CSMD3: variants seen among roughly 807,000 people sequenced by gnomAD.
The protein encoded by CSMD3 is CUB and Sushi multiple domains 3.
In CSMD3, 177 loss-of-function variants were observed where a neutral mutation model predicts 435.2. That is an observed-to-expected ratio of 0.41 (90% CI 0.36 to 0.46). The LOEUF is 0.46. CSMD3 is among the 20% of genes least tolerant of loss of function. The probability of loss-of-function intolerance (pLI) is 0.34; values close to 1 mark genes in which losing one functional copy is unlikely to be tolerated. For synonymous variants in CSMD3, 1,656 were observed against 1,520.5 expected (o/e 1.09, Z -2.07); for missense variants, 4,265 against 4,504.6 (o/e 0.95, Z 1.52).
In CSMD3 at chr8:113,314,586, G is replaced by A; in HGVS notation, c.386C>T (p.Thr129Ile). ...LSLYDGHPHP[T>I]NFRTRLTGFH... ...ACACACTAACCTTGTCCTAAAGTTT[G>A]TAGGATGAGGATGTCCATCATATAA... The change falls in exon 2 of 71, where the codon ACA (threonine) becomes ATA (isoleucine). Residue 129 changes from threonine to isoleucine, a missense_variant. Around this residue, in one of 3 missense-constraint regions of CSMD3, gnomAD observed 731 missense variants for 755.4 expected, o/e 0.97. Coordinates refer to ENST00000297405, the MANE Select transcript of CSMD3 (RefSeq NM_198123.2). 6.3e-7 allele frequency: 1 copy of A among 1,592,278 alleles called. No individual in the cohort carries two copies. Among genetic ancestry groups the A allele is most frequent in the South Asian group, 1.1e-5 (1 of 90,668 alleles).
chr8:112,870,102 T>C (rs919789140), intron 10 of CSMD3, among the ~76,000 whole-genome samples: 1 of 152,152 alleles, frequency 6.6e-6, no homozygotes, highest in Non-Finnish European at 1.5e-5. Flanking sequence ...ATTATTTATT[T>C]ATAAACCTTT....
chr8:112,260,715 C>A (rs1816304821), intron 61 of CSMD3, among the ~76,000 whole-genome samples: 1 of 151,882 alleles, frequency 6.6e-6, no homozygotes, highest in Admixed American at 6.6e-5. Context: ...GCTAAGATGA[C>A]CTCCTCCATG....
chr8:113,022,981 A>C (rs1268585096), intron 5 of CSMD3, among the ~76,000 whole-genome samples: 2 of 152,062 alleles, frequency 1.3e-5, no homozygotes, highest in African/African-American at 4.8e-5. Context: ...CCTTTAGAGA[A>C]TGTAATTATA....
chr8:112,435,336 C>G (rs1320352646), intron 32 of CSMD3, among the ~76,000 whole-genome samples: 3 of 152,040 alleles, frequency 2.0e-5, no homozygotes, highest in Admixed American at 2.0e-4. Context: ...CTGAACAACT[C>G]TGTGTGGCAG....
chr8:113,093,743 A>T lies in CSMD3; in HGVS notation c.917+5013T>A, dbSNP rs532170868. 2.6e-5 allele frequency among the ~76,000 whole-genome samples: 4 copies of T among 152,274 alleles called. No individual in the cohort carries two copies. In the South Asian group the frequency reaches 8.3e-4, roughly 32 times the overall value. On this transcript the variant is annotated intron_variant, in intron 5 of 70. Coordinates refer to ENST00000297405, the MANE Select transcript of CSMD3 (RefSeq NM_198123.2). ...GACTAAATTTGTTAGTTTAAATCTA[A>T]ATGTTTAGTATTATTTTAACCAACT... is the stretch of plus-strand genomic sequence containing the variant.
intron 11 of CSMD3, among the ~76,000 whole-genome samples, chr8:112,855,592 AATAG>A (rs1156269898): frequency 6.6e-6 from 1 of 152,050 alleles, no homozygotes; most frequent in Non-Finnish European, 1.5e-5. Context: ...GGGATGAAAA[AATAG>A]ATGGATGGAT....
chr8:112,908,798 T>A (rs1215904875), intron 10 of CSMD3, among the ~76,000 whole-genome samples: 2 of 151,594 alleles, frequency 1.3e-5, no homozygotes. Context: ...CACAAAAGTT[T>A]TTCTCAGCAT....
chr8:112,994,066 A>C (rs1226563015), intron 6 of CSMD3, among the ~76,000 whole-genome samples: 7 of 151,816 alleles, frequency 4.6e-5, no homozygotes. Context: ...ACCAAGGAAG[A>C]AGCTCATGAA....
intron 34 of CSMD3, among the ~76,000 whole-genome samples, chr8:112,407,606 G>C (rs1309302076): frequency 1.3e-5 from 2 of 152,120 alleles, no homozygotes; most frequent in East Asian, 1.9e-4. Flanking sequence ...ACATAAAAGA[G>C]TACAGGATTA....
At chr8:112,876,811 T>A (rs1348540633) in intron 10 of CSMD3, among the ~76,000 whole-genome samples, 2 of 152,106 alleles carry the variant, frequency 1.3e-5, no homozygotes, top group Admixed American at 6.6e-5. Flanking sequence ...AGGGAGAAAG[T>A]CAAATTGTCT....
intron 9 of CSMD3, among the ~76,000 whole-genome samples, chr8:112,947,517 A>G (rs1474073825): frequency 1.3e-5 from 2 of 151,718 alleles, no homozygotes; most frequent in African/African-American, 4.8e-5. Context: ...TGGAACTCAA[A>G]GTTATGTCTT....
intron 9 of CSMD3, among the ~76,000 whole-genome samples, chr8:112,927,629 C>G (rs530431270): frequency 6.6e-6 from 1 of 152,182 alleles, no homozygotes; most frequent in Middle Eastern, 3.4e-3. Flanking sequence ...GTTTCTGACT[C>G]TAAGTTACAT....
chr8:113,035,243 A>C (rs1373514431), intron 5 of CSMD3, among the ~76,000 whole-genome samples: 9 of 152,168 alleles, frequency 5.9e-5, no homozygotes, highest in Non-Finnish European at 2.9e-5. Context: ...AAAGATAGGG[A>C]GGAATACAAA....
chr8:113,209,715 C>T (rs761984038), intron 3 of CSMD3, among the ~76,000 whole-genome samples: 1 of 151,930 alleles, frequency 6.6e-6, no homozygotes, highest in Non-Finnish European at 1.5e-5. Context: ...AAATGCTTGA[C>T]AAAATTTAAT....
chr8:112,682,949 A>C (rs1170077750), intron 15 of CSMD3, among the ~76,000 whole-genome samples: 1 of 152,120 alleles, frequency 6.6e-6, no homozygotes, highest in Admixed American at 6.5e-5. Context: ...AAATATTTCC[A>C]GTATAAGCTG....
In CSMD3 at chr8:112,343,589, G is replaced by A. The variant is rs144095546; in HGVS notation, c.6443-1903C>T. Among the ~76,000 whole-genome samples the A allele has an allele frequency of 9.9e-5, 15 of 152,126 alleles. No homozygotes were observed. In the East Asian group the frequency reaches 1.4e-3, roughly 14 times the overall value. On this transcript the variant is annotated intron_variant, in intron 41 of 70. Transcript: ENST00000297405. ...TGTTTACCTGGAATTTCTTTCACACGTCCTGCAGCAGACTGACATTCTTTG... is the reference window on the plus strand; with the variant it reads ...TGTTTACCTGGAATTTCTTTCACACATCCTGCAGCAGACTGACATTCTTTG...
At chr8:112,937,687 C>A (rs75052714) in intron 9 of CSMD3, among the ~76,000 whole-genome samples, 2,698 of 152,050 alleles carry the variant, frequency 0.018, 77 homozygotes, top group African/African-American at 0.062. Flanking sequence ...CCAAAGAGGC[C>A]AGAAACACCT....
At chr8:113,038,493 C>A (rs2087457508) in intron 5 of CSMD3, among the ~76,000 whole-genome samples, 1 of 152,004 alleles carries the variant, frequency 6.6e-6, no homozygotes, top group Admixed American at 6.6e-5. Context: ...AAGATTACAG[C>A]AAAAATGGAA....
chr8:112,874,263 G>A (rs1721553213), intron 10 of CSMD3, among the ~76,000 whole-genome samples: 1 of 152,168 alleles, frequency 6.6e-6, no homozygotes, highest in Admixed American at 6.5e-5. Context: ...ATTGCACTGT[G>A]GTATGAGAGA....
Sources: allele counts gnomAD v4.1 joint callset (sites outside exome capture counted in the v4.1 genomes callset), GRCh38; gene constraint gnomAD v4.1.1; regional missense constraint gnomAD v4.1.1; transcripts MANE v1.5; gene names NCBI Gene and HGNC (gene_info 2026-07-23, HGNC 2026-07-21).